DCLK1: variants seen among roughly 807,000 people sequenced by gnomAD.
The protein encoded by DCLK1 is serine/threonine-protein kinase DCLK1.
A neutral mutation model predicts 86.2 loss-of-function variants in DCLK1; 16 were observed. The observed-to-expected ratio is 0.19, with a 90% CI of 0.13 to 0.28. The LOEUF is 0.28. Among genes scored for constraint, DCLK1 ranks in the 10% least tolerant of loss-of-function variants. The pLI is 1.00. For missense variants in DCLK1, 590 were observed against 940.2 expected, an observed-to-expected ratio of 0.63 and a Z score of 4.87; for synonymous variants, 369 against 370.5, an observed-to-expected ratio of 1.00 and a Z score of 0.05.
At chr13:35,884,052 G>A (rs1318300718) in intron 4 of DCLK1, among the ~76,000 whole-genome samples, 1 of 152,130 alleles carries the variant, frequency 6.6e-6, no homozygotes, top group Non-Finnish European at 1.5e-5. Context: ...AGAACCTGGG[G>A]CACTTAAAAA....
intron 3 of DCLK1, among the ~76,000 whole-genome samples, chr13:36,100,377 T>TCAAA (rs918523807): frequency 1.1e-4 from 16 of 151,780 alleles, no homozygotes; most frequent in African/African-American, 3.9e-4. Flanking sequence ...AGATCTTGTC[T>TCAAA]CAAACAAACA....
chr13:35,896,747 C>G (rs1874020449), intron 4 of DCLK1, among the ~76,000 whole-genome samples: 1 of 152,102 alleles, frequency 6.6e-6, no homozygotes, highest in Non-Finnish European at 1.5e-5. Flanking sequence ...GTCCCTACCT[C>G]AGGTAAACCT....
At chr13:35,982,062 G>A (rs1474325921) in intron 3 of DCLK1, among the ~76,000 whole-genome samples, 1 of 152,038 alleles carries the variant, frequency 6.6e-6, no homozygotes, top group Non-Finnish European at 1.5e-5. Flanking sequence ...GAATTTTTGA[G>A]AGCTCTAATT....
intron 6 of DCLK1, among the ~76,000 whole-genome samples, chr13:35,853,616 T>A (rs1197670236): frequency 2.0e-5 from 3 of 152,096 alleles, no homozygotes; most frequent in Non-Finnish European, 4.4e-5. Context: ...AAACACATAA[T>A]AAAAGAAACT....
intron 3 of DCLK1, among the ~76,000 whole-genome samples, chr13:36,000,009 G>A: frequency 6.6e-6 from 1 of 152,186 alleles, no homozygotes; most frequent in East Asian, 1.9e-4. Context: ...ACTTGATGTG[G>A]CTAAAATAGG....
intron 6 of DCLK1, chr13:35,849,155 T>G (rs750339695): frequency 2.8e-5 from 28 of 985,336 alleles, no homozygotes; most frequent in Non-Finnish European, 3.4e-5. Context: ...GGACGTTTTT[T>G]CTTCTTCCTC....
chr13:35,788,053 G>T, intron 16 of DCLK1: 1 of 715,048 alleles, frequency 1.4e-6, no homozygotes. Flanking sequence ...GGAATGAGGG[G>T]GTGTGGCATC....
intron 4 of DCLK1, among the ~76,000 whole-genome samples, chr13:35,878,003 G>A (rs1266798597): frequency 1.3e-5 from 2 of 152,064 alleles, no homozygotes; most frequent in African/African-American, 4.8e-5. Context: ...GCTGTCAATG[G>A]TTAATGAGTC....
chr13:35,827,515 G>T, intron 10 of DCLK1, 120 bp downstream of exon 10: 1 of 1,212,460 alleles, frequency 8.2e-7, no homozygotes, highest in Admixed American at 2.2e-5. Flanking sequence ...CCTAATCACT[G>T]GGCCAATGTA....
chr13:35,888,369 G>A (rs902646107), intron 4 of DCLK1, among the ~76,000 whole-genome samples: 1 of 152,162 alleles, frequency 6.6e-6, no homozygotes, highest in Non-Finnish European at 1.5e-5. Context: ...GTGAAGAAAA[G>A]AAGAAAAGGT....
chr13:35,867,949 G>GAAAGAAAGAAAGAAAAA (rs1555345745), intron 5 of DCLK1, among the ~76,000 whole-genome samples: 4 of 140,652 alleles, frequency 2.8e-5, no homozygotes, highest in African/African-American at 1.1e-4. Context: ...AAGAAAGAAA[G>GAAAGAAAGAAAGAAAAA]AAAGAAAGAA....
chr13:35,894,664 T>C (rs768773386), intron 4 of DCLK1, among the ~76,000 whole-genome samples: 26 of 151,556 alleles, frequency 1.7e-4, no homozygotes, highest in Admixed American at 1.7e-3. Context: ...GGGGTGGGAG[T>C]GAACAGCCCA....
At chr13:35,822,317 C>A (rs1190158609) in intron 11 of DCLK1, among the ~76,000 whole-genome samples, 2 of 141,910 alleles carry the variant, frequency 1.4e-5, no homozygotes, top group African/African-American at 5.5e-5. Context: ...CGATGTCCGG[C>A]TAATTAAAAA....
At chr13:36,053,014 C>A (rs1238665560) in intron 3 of DCLK1, among the ~76,000 whole-genome samples, 1 of 152,144 alleles carries the variant, frequency 6.6e-6, no homozygotes, top group Non-Finnish European at 1.5e-5. Flanking sequence ...TTTGTTTTCC[C>A]TTGTATTTAG....
chr13:35,903,033 G>A lies in DCLK1; in HGVS notation c.824-31693C>T, dbSNP rs151158209. The stretch of plus-strand genomic sequence containing the variant: ...GGTTTCATTTCAGTGGGAAGAATGG[G>A]GCAGGGAAAGAAAATGGCTCTTCAG... On this transcript the variant is annotated intron_variant, in intron 4 of 16. Coordinates refer to ENST00000360631, the MANE Select transcript of DCLK1 (RefSeq NM_001330071.2). Among the ~76,000 whole-genome samples, 62 of 151,998 alleles carry A rather than the reference G, an allele frequency of 4.1e-4. 1 individual carries two copies. In the East Asian group the frequency reaches 0.01, roughly 25 times the overall value.
intron 6 of DCLK1, among the ~76,000 whole-genome samples, chr13:35,841,696 C>A (rs182124764): frequency 6.6e-6 from 1 of 152,068 alleles, no homozygotes; most frequent in Non-Finnish European, 1.5e-5. Flanking sequence ...AACGTACTTA[C>A]GGTCATACAG....
chr13:36,018,125 G>A (rs915907842), intron 3 of DCLK1, among the ~76,000 whole-genome samples: 1 of 152,026 alleles, frequency 6.6e-6, no homozygotes, highest in African/African-American at 2.4e-5. Flanking sequence ...TCTTTTATTT[G>A]ACCAAGGAAC....
At chr13:35,958,263 A>G (rs200001752) in intron 3 of DCLK1, among the ~76,000 whole-genome samples, 515 of 8,786 alleles carry the variant, frequency 0.059, 36 homozygotes, top group Non-Finnish European at 0.084. Context: ...TACCACTACT[A>G]TAACCATTAC....
chr13:36,085,962 G>C (rs1286281982), intron 3 of DCLK1, among the ~76,000 whole-genome samples: 1 of 152,148 alleles, frequency 6.6e-6, no homozygotes, highest in African/African-American at 2.4e-5. Flanking sequence ...TAATAAAATA[G>C]ATTACTTCTG....
Sources: gnomAD v4.1 joint callset for allele counts (sites outside exome capture counted in the v4.1 genomes callset) on GRCh38, gnomAD v4.1.1 for gene constraint, MANE v1.5 for transcripts, NCBI Gene and HGNC (gene_info 2026-07-23, HGNC 2026-07-21) for gene names.